TENM3: variants seen among roughly 807,000 people sequenced by gnomAD.
TENM3 encodes teneurin transmembrane protein 3, also known as teneurin-3.
TENM3 carries 63 observed loss-of-function variants against 255.1 expected under a neutral mutation model. That is an observed-to-expected ratio of 0.25 (90% confidence interval 0.20 to 0.30). The LOEUF (loss-of-function observed/expected upper bound fraction) is 0.30, where lower values mean the gene tolerates loss of function less well. TENM3 is among the 10% of genes least tolerant of loss of function. TENM3 has a pLI of 1.00. For missense variants in TENM3, 2,929 were observed against 3,461.1 expected, an observed-to-expected ratio of 0.85 and a Z score of 3.86; for synonymous variants, 1,306 against 1,322.3, an observed-to-expected ratio of 0.99 and a Z score of 0.27.
chr4:182,216,604 G>T (rs2726808), intron 1 of TENM3, among the ~76,000 whole-genome samples: 85,448 of 152,100 alleles, frequency 0.56, 24,715 homozygotes, highest in Non-Finnish European at 0.64. Flanking sequence ...GGATACAGGC[G>T]TCATAGTCTT....
At chr4:182,747,164 G>A (rs1762066151) in intron 19 of TENM3, among the ~76,000 whole-genome samples, 1 of 152,066 alleles carries the variant, frequency 6.6e-6, no homozygotes, top group Non-Finnish European at 1.5e-5. Flanking sequence ...TCTACAAAAG[G>A]AATGGTATTG....
At chr4:181,759,942 T>G in the TENM3 span, among the ~76,000 whole-genome samples, 1 of 152,138 alleles carries the variant, frequency 6.6e-6, no homozygotes, top group African/African-American at 2.4e-5. Flanking sequence ...GGTAACTTGC[T>G]TAATACTCCA....
chr4:182,015,897 T>C, the TENM3 span, among the ~76,000 whole-genome samples: 3 of 152,194 alleles, frequency 2.0e-5, no homozygotes, highest in African/African-American at 2.4e-5. Flanking sequence ...GTCTCTAGTA[T>C]GTTAGAGAAA....
the TENM3 span, among the ~76,000 whole-genome samples, chr4:181,521,923 C>T: frequency 1.3e-5 from 2 of 151,670 alleles, no homozygotes; most frequent in East Asian, 2.0e-4. Context: ...GGTGAAACCC[C>T]GTCTCTAATT....
the TENM3 span, among the ~76,000 whole-genome samples, chr4:181,764,811 C>T: frequency 6.6e-6 from 1 of 152,112 alleles, no homozygotes; most frequent in African/African-American, 2.4e-5. Context: ...CCACCTCAGC[C>T]CCCTGAGTAG....
chr4:182,511,458 A>G (rs1449421510), intron 3 of TENM3, among the ~76,000 whole-genome samples: 2 of 152,140 alleles, frequency 1.3e-5, no homozygotes, highest in African/African-American at 4.8e-5. Flanking sequence ...TTATGTTGAG[A>G]AGACTTAAGA....
chr4:181,511,846 C>G, the TENM3 span, among the ~76,000 whole-genome samples: 1 of 151,932 alleles, frequency 6.6e-6, no homozygotes, highest in Non-Finnish European at 1.5e-5. Context: ...AAAACATTTC[C>G]AAAAGAAAGG....
chr4:181,535,649 G>T, the TENM3 span, among the ~76,000 whole-genome samples: 1 of 152,162 alleles, frequency 6.6e-6, no homozygotes, highest in East Asian at 1.9e-4. Context: ...CTTTCTTCAA[G>T]CTAGCCTGCC....
At chr4:182,475,347 C>A (rs932229114) in intron 3 of TENM3, among the ~76,000 whole-genome samples, 1 of 151,862 alleles carries the variant, frequency 6.6e-6, no homozygotes. Context: ...CAAAACTGGT[C>A]GTGGAATGGA....
chr4:181,505,160 G>A, the TENM3 span, among the ~76,000 whole-genome samples: 1 of 152,096 alleles, frequency 6.6e-6, no homozygotes, highest in South Asian at 2.1e-4. Flanking sequence ...CAGTCTCTGG[G>A]GAACACTCAC....
At chr4:181,721,073 T>A in the TENM3 span, among the ~76,000 whole-genome samples, 1 of 151,332 alleles carries the variant, frequency 6.6e-6, no homozygotes, top group Non-Finnish European at 1.5e-5. Flanking sequence ...CCTGAATTTA[T>A]GACTGATGAA....
chr4:182,766,604 G>C (rs1269624245), intron 22 of TENM3, among the ~76,000 whole-genome samples: 1 of 152,116 alleles, frequency 6.6e-6, no homozygotes, highest in Admixed American at 6.5e-5. Context: ...TTTTGAATTT[G>C]ATTCTTGAAG....
the TENM3 span, among the ~76,000 whole-genome samples, chr4:181,536,444 T>A: frequency 1.3e-5 from 2 of 152,238 alleles, no homozygotes; most frequent in African/African-American, 4.8e-5. Flanking sequence ...TAGAATTTCA[T>A]CACTGTGGAT....
intron 12 of TENM3, among the ~76,000 whole-genome samples, chr4:182,704,119 A>G (rs1758094053): frequency 6.6e-6 from 1 of 152,050 alleles, no homozygotes; most frequent in Admixed American, 6.6e-5. Flanking sequence ...AATCTAGGAA[A>G]TCCTAAAATG....
At chr4:181,923,048 A>C in the TENM3 span, among the ~76,000 whole-genome samples, 1 of 152,108 alleles carries the variant, frequency 6.6e-6, no homozygotes, top group African/African-American at 2.4e-5. Context: ...AGCGGCTTTG[A>C]GTGAGTTTCT....
At chr4:182,482,578 A>C (rs980284850) in intron 3 of TENM3, among the ~76,000 whole-genome samples, 4 of 152,234 alleles carry the variant, frequency 2.6e-5, no homozygotes, top group Non-Finnish European at 5.9e-5. Context: ...AAAAATTGAA[A>C]ATAAAATGAG....
At chr4:182,679,991 T>A in intron 8 of TENM3, 115 bp downstream of exon 8, 1 of 905,928 alleles carries the variant, frequency 1.1e-6, no homozygotes, top group Non-Finnish European at 1.7e-6. Flanking sequence ...AAAGCCCAGG[T>A]AAAATGTGAG....
chr4:182,128,066 T>C, the TENM3 span, among the ~76,000 whole-genome samples: 1 of 152,124 alleles, frequency 6.6e-6, no homozygotes, highest in Non-Finnish European at 1.5e-5. Flanking sequence ...CTTTATAATA[T>C]AGTTCATTGG....
intron 3 of TENM3, among the ~76,000 whole-genome samples, chr4:182,502,652 T>G (rs986829939): frequency 6.6e-6 from 1 of 152,138 alleles, no homozygotes; most frequent in African/African-American, 2.4e-5. Flanking sequence ...GGTTTTGTAC[T>G]TGGATACCGT....
Sources: gnomAD v4.1 joint callset for allele counts (sites outside exome capture counted in the v4.1 genomes callset) on GRCh38, gnomAD v4.1.1 for gene constraint, MANE v1.5 for transcripts, NCBI Gene and HGNC (gene_info 2026-07-23, HGNC 2026-07-21) for gene names.